Variants in PFAS observed in about 807,000 individuals in gnomAD.
PFAS encodes FGAM synthase.
Under a neutral mutation model 140.6 loss-of-function variants are expected in PFAS, and 97 were observed. That is an observed-to-expected ratio of 0.69 (90% CI 0.59 to 0.82). The LOEUF (loss-of-function observed/expected upper bound fraction) is 0.82. PFAS is among the 40% of genes least tolerant of loss of function. The pLI is 0.00. For missense variants in PFAS, 1,656 were observed against 1,780.2 expected (o/e 0.93, Z 1.26); for synonymous variants, 679 against 718.8 (o/e 0.94, Z 0.88).
rs1156682152 is a variant in PFAS, at chr17:8,264,984, G to T, written c.2139G>T (p.Leu713=). 1.9e-6 allele frequency: 3 copies of T among 1,613,126 alleles called. No individual in the cohort carries two copies. The African/African-American group carries it at 4.0e-5, about 22-fold the overall frequency. ...TPLADVAVVA[L]SHEELIGAAT... is the part of the protein sequence containing the mutation. Reference sequence around the variant, plus strand: ...TGGCAGATGTAGCGGTTGTGGCACTGAGCCATGAGGAGCTCATAGGGGCTG... The same window carrying T: ...TGGCAGATGTAGCGGTTGTGGCACTTAGCCATGAGGAGCTCATAGGGGCTG... Residue 713 remains leucine, a synonymous_variant, in exon 18 of 28, where the codon CTG becomes CTT. Transcript: ENST00000314666.
In PFAS at chr17:8,256,632, T is replaced by G. The variant is rs747119041; in HGVS notation, c.930T>G (p.Thr310=). 1.2e-6 allele frequency: 2 copies of G among 1,614,104 alleles called. No individual in the cohort carries two copies. Among genetic ancestry groups the G allele is most frequent in the South Asian group, 2.2e-5 (2 of 91,084 alleles). ...GLRHVVFTAE[T]HNFPTGVCPF... ...GACATGTTGTCTTCACAGCAGAGACTCACAACTTTCCCACAGGTGAGCTGG... is the reference window on the plus strand; with the variant it reads ...GACATGTTGTCTTCACAGCAGAGACGCACAACTTTCCCACAGGTGAGCTGG... Residue 310 remains threonine, a synonymous_variant, in exon 8 of 28, where the codon ACT becomes ACG. Coordinates refer to ENST00000314666, the MANE Select transcript of PFAS (RefSeq NM_012393.3).
Position 8,264,585 on chromosome 17 carries a change from G to A in PFAS, c.2033G>A (p.Arg678His), listed in dbSNP as rs772566332. ...AGGCTGCCCGCCGTGGCCAGCAAGCGCTACCTCACCAATAAGGTCCTCCCT... is the reference window on the plus strand; with the variant it reads ...AGGCTGCCCGCCGTGGCCAGCAAGCACTACCTCACCAATAAGGTCCTCCCT... ...VLRLPAVASK[R>H]YLTNKVDRSV... Residue 678 changes from arginine (R) to histidine (H), a missense_variant, in exon 17 of 28, where the codon CGC becomes CAC. By Grantham distance (29) the Arg-to-His change is conservative. Coordinates refer to ENST00000314666, the MANE Select transcript of PFAS (RefSeq NM_012393.3). The A allele has an allele frequency of 2.0e-5, 33 of 1,612,600 alleles. No homozygotes were observed. Among genetic ancestry groups the A allele is most frequent in the Admixed American group, 6.7e-5 (4 of 59,756 alleles).
chr17:8,263,945 G>A lies in PFAS; in HGVS notation c.1791+9G>A. 6.2e-7 allele frequency: 1 copy of A among 1,610,916 alleles called. No homozygotes were observed. The highest frequency in any genetic ancestry group is 8.5e-7 in the Non-Finnish European group (1 of 1,179,868). On this transcript the variant is annotated intron_variant, in intron 15 of 27. Coordinates refer to ENST00000314666, the MANE Select transcript of PFAS (RefSeq NM_012393.3). ...TCACTGGAGACCGGAGAGTGAGTTGGCCCAGGGAGTTGGGAGCAAACACTG... is the reference window on the plus strand; with the variant it reads ...TCACTGGAGACCGGAGAGTGAGTTGACCCAGGGAGTTGGGAGCAAACACTG...
chr17:8,251,992 T>C (rs1289135433), intron 1 of PFAS, among the ~76,000 whole-genome samples: 1 of 152,076 alleles, frequency 6.6e-6, no homozygotes, highest in Admixed American at 6.5e-5. Context: ...CAATTCTTTT[T>C]TTTTGTTTTA....
chr17:8,269,020 A>G lies in PFAS; in HGVS notation c.3773A>G (p.His1258Arg), dbSNP rs772976924. ...GAGGCCAGGGGCTTGGCTCCACTGC[A>G]CTGGGCTGATGATGACGGGAACCCC... ...QIEARGLAPL[H>R]WADDDGNPTE... The change falls in exon 28 of 28, where the codon CAC becomes CGC. Residue 1258 changes from histidine to arginine, a missense_variant. By Grantham distance (29) the His-to-Arg change is conservative (BLOSUM62 0). Coordinates refer to ENST00000314666, the MANE Select transcript of PFAS (RefSeq NM_012393.3). The G allele has an allele frequency of 5.0e-6, 8 of 1,614,064 alleles. No individual in the cohort carries two copies. Among genetic ancestry groups the G allele is most frequent in the South Asian group, 1.1e-5 (1 of 91,092 alleles).
chr17:8,264,568 C>G lies in PFAS; in HGVS notation c.2016C>G (p.Pro672=), dbSNP rs369217509. 1.9e-6 allele frequency: 3 copies of G among 1,613,358 alleles called. No homozygotes were observed. The highest frequency in any genetic ancestry group is 1.7e-4 in the Middle Eastern group (1 of 5,910). Residue 672 remains proline, a synonymous_variant, in exon 17 of 28, where the codon CCC becomes CCG. Transcript: ENST00000314666. ...HQALERVLRL[P]AVASKRYLTN... is the part of the protein sequence containing the mutation. Reference sequence around the variant, plus strand: ...CTCTGGAGAGGGTTCTGAGGCTGCCCGCCGTGGCCAGCAAGCGCTACCTCA... The same window carrying G: ...CTCTGGAGAGGGTTCTGAGGCTGCCGGCCGTGGCCAGCAAGCGCTACCTCA...
intron 14 of PFAS, 39 bp downstream of exon 14, chr17:8,263,675 C>T: frequency 6.2e-7 from 1 of 1,607,504 alleles, no homozygotes; most frequent in Non-Finnish European, 8.5e-7. Flanking sequence ...TTTCCCACCC[C>T]TGCCAGCCCC....
chr17:8,263,391 C>T (rs574663555), intron 13 of PFAS, 126 bp downstream of exon 13: 32 of 1,137,418 alleles, frequency 2.8e-5, no homozygotes, highest in Non-Finnish European at 1.0e-5. Flanking sequence ...ATGCTCTGTA[C>T]ATTCTAGACA....
At chr17:8,257,991 G>A (rs1989441216) in intron 10 of PFAS, 53 bp downstream of exon 10, 1 of 1,611,756 alleles carries the variant, frequency 6.2e-7, no homozygotes, top group South Asian at 1.1e-5. Flanking sequence ...TTGTGGGTGG[G>A]GTGTGCGACC....
rs1224967409 is a variant in PFAS, at chr17:8,267,040, G to A, written c.2980G>A (p.Val994Met). 6.2e-7 allele frequency: 1 copy of A among 1,613,974 alleles called. No individual in the cohort carries two copies. Among genetic ancestry groups the A allele is most frequent in the South Asian group, 1.1e-5 (1 of 91,082 alleles). ...TTCCTCTTCCTAGGTCCGGGTGTCAGTGAACGGGGCTGTGGTTCTGGAGGA... is the reference window on the plus strand; with the variant it reads ...TTCCTCTTCCTAGGTCCGGGTGTCAATGAACGGGGCTGTGGTTCTGGAGGA... ...AGPHAMVRVS[V>M]NGAVVLEEPV... The change falls in exon 24 of 28, where the codon GTG (valine) becomes ATG (methionine). Residue 994 changes from valine to methionine, a missense_variant. Val to Met is a conservative substitution (Grantham distance 21). This residue lies in a region of PFAS where 883 missense variants were observed against 1,023.0 expected (regional missense o/e 0.86). Transcript: ENST00000314666. The surrounding 1 kb of genome is among the most constrained non-coding windows in gnomAD (Gnocchi z 4.9).
At position 8,260,782 on chromosome 17, in the gene PFAS, G is replaced by A. The variant is rs193096702; in HGVS notation, c.1337-2138G>A. Among the ~76,000 whole-genome samples, 9 of 152,066 alleles carry A rather than the reference G, an allele frequency of 5.9e-5. No homozygotes were observed. The East Asian group carries it at 1.5e-3, about 26-fold the overall frequency. ...TGGGACCACAGGTGCCCACCACCAC[G>A]CCCGGCTAATTTTATGTGTTTTTAG... On this transcript the variant is annotated intron_variant, in intron 11 of 27. Coordinates refer to ENST00000314666, the MANE Select transcript of PFAS (RefSeq NM_012393.3).
In PFAS at chr17:8,253,561, C is replaced by T. The variant is rs751542980; in HGVS notation, c.-79-298C>T. On this transcript the variant is annotated intron_variant, in intron 1 of 27. Coordinates refer to ENST00000314666, the MANE Select transcript of PFAS (RefSeq NM_012393.3). The stretch of plus-strand genomic sequence containing the variant: ...TTTTTATTTTATTTATTTATTGAGA[C>T]GGAGTTTTGCTCTTGTTGCCCAGGC... 9.9e-5 allele frequency among the ~76,000 whole-genome samples: 15 copies of T among 152,018 alleles called. No homozygotes were observed. In the South Asian group the frequency reaches 1.2e-3, roughly 13 times the overall value.
rs1330132392 is a variant in PFAS, at chr17:8,264,210, A to G, written c.1792-2A>G. ...TCTGGGTGGGGTCCCTGTGGTCTAT[A>G]GATAGTGCTGGTGGACGATCGGGAG... On this transcript the variant is annotated splice_acceptor_variant, in intron 15 of 27. Transcript: ENST00000314666. LOFTEE classifies it high-confidence loss of function. The G allele has an allele frequency of 2.5e-6, 4 of 1,613,962 alleles. No homozygotes were observed. The Admixed American group carries it at 6.7e-5, about 27-fold the overall frequency.
chr17:8,268,118 A>G (rs1567647308), intron 26 of PFAS, among the ~76,000 whole-genome samples: 2 of 145,040 alleles, frequency 1.4e-5, no homozygotes, highest in South Asian at 2.1e-4. Context: ...CTGGAGTGCA[A>G]TGGCGCAATC....
chr17:8,267,780 G>A lies in PFAS; in HGVS notation c.3382+115G>A. 1.8e-6 allele frequency: 1 copy of A among 557,802 alleles called. No homozygotes were observed. Among genetic ancestry groups the A allele is most frequent in the Non-Finnish European group, 3.2e-6 (1 of 316,372 alleles). 34.6% of individuals were successfully genotyped at this position (557,802 alleles called of 1,614,324 possible). On this transcript the variant is annotated intron_variant, in intron 26 of 27. Coordinates refer to ENST00000314666, the MANE Select transcript of PFAS (RefSeq NM_012393.3). The surrounding 1 kb of genome is among the most constrained non-coding windows in gnomAD (Gnocchi z 4.9). The stretch of plus-strand genomic sequence containing the variant: ...TCACTCCACCGAGCTACGAGAGAGT[G>A]GGCCCATTCGTTCTGGGCCACATGC...
intron 26 of PFAS, 145 bp from the exon 27 acceptor site, chr17:8,268,388 A>G (rs933578698): frequency 6.7e-5 from 41 of 611,552 alleles, no homozygotes; most frequent in African/African-American, 6.2e-4. Flanking sequence ...AAAAAAAAAA[A>G]GAAAGAAGGA....
chr17:8,258,764 A>T (rs185119166), intron 11 of PFAS, among the ~76,000 whole-genome samples: 7 of 152,246 alleles, frequency 4.6e-5, no homozygotes, highest in South Asian at 2.1e-4. Context: ...AGGTGGGCAG[A>T]TCACGAGGTC....
At position 8,266,734 on chromosome 17, in the gene PFAS, C is replaced by A; in HGVS notation, c.2822-19C>A. On this transcript the variant is annotated intron_variant, in intron 22 of 27. Transcript: ENST00000314666. This position sits in a 1 kb window ranked among gnomAD's most constrained non-coding sequence, Gnocchi z 5.0. ...TGGCCCTTCTTGCATCCCCCTGACT[C>A]CCCACATTGCTCTCCCAGTCCTGTC... The A allele has an allele frequency of 6.3e-7, 1 of 1,583,952 alleles. No homozygotes were observed. The highest frequency in any genetic ancestry group is 1.2e-5 in the South Asian group (1 of 86,106).
In PFAS at chr17:8,254,156, C is replaced by T. The variant is rs1269341275; in HGVS notation, c.143-10C>T. On this transcript the variant is annotated splice_polypyrimidine_tract_variant and intron_variant, in intron 2 of 27. Transcript: ENST00000314666. The stretch of plus-strand genomic sequence containing the variant: ...GTGTCTCAAGGTGTCCTTGCCCTGT[C>T]TCCCTGCAGCTGAGGCCCTCCCCAG... 2 of 1,614,014 alleles carry T rather than the reference C, an allele frequency of 1.2e-6. No homozygotes were observed. Among genetic ancestry groups the T allele is most frequent in the South Asian group, 1.1e-5 (1 of 91,082 alleles).
Sources: allele counts gnomAD v4.1 joint callset (sites outside exome capture counted in the v4.1 genomes callset), GRCh38; gene constraint gnomAD v4.1.1; regional missense constraint gnomAD v4.1.1; non-coding constraint Gnocchi (gnomAD v3.1); transcripts MANE v1.5; gene names NCBI Gene and HGNC (gene_info 2026-07-23, HGNC 2026-07-21).